The following KDM4C variants were observed in gnomAD, a reference collection of about 807,000 sequenced individuals.
KDM4C encodes the protein lysine-specific demethylase 4C.
In KDM4C, 81 loss-of-function variants were observed where a neutral mutation model predicts 129.3. The observed-to-expected ratio is 0.63, with a 90% CI of 0.52 to 0.75. KDM4C has a LOEUF of 0.75. KDM4C is among the 30% of genes least tolerant of loss of function. KDM4C has a pLI of 0.00. For missense variants in KDM4C, 1,457 were observed against 1,304.0 expected, an observed-to-expected ratio of 1.12 and a Z score of -1.81; for synonymous variants, 573 against 456.1, an observed-to-expected ratio of 1.26 and a Z score of -3.26.
intron 1 of KDM4C, among the ~76,000 whole-genome samples, chr9:6,765,095 A>C (rs182150859): frequency 6.6e-6 from 1 of 151,894 alleles, no homozygotes; most frequent in East Asian, 1.9e-4. Context: ...CCTCCCTCCA[A>C]TCTCTTTCCA....
At chr9:6,766,359 G>T (rs965860725) in intron 1 of KDM4C, among the ~76,000 whole-genome samples, 1 of 151,846 alleles carries the variant, frequency 6.6e-6, no homozygotes, top group African/African-American at 2.4e-5. Context: ...TATGATAATC[G>T]TACAAAAAGC....
At chr9:6,913,902 A>T (rs977162114) in intron 8 of KDM4C, among the ~76,000 whole-genome samples, 1 of 152,244 alleles carries the variant, frequency 6.6e-6, no homozygotes, top group South Asian at 2.1e-4. Flanking sequence ...AAGGGATAGT[A>T]TGAGAGTTGA....
At chr9:6,750,607 G>C (rs759457044) in intron 1 of KDM4C, among the ~76,000 whole-genome samples, 8 of 152,196 alleles carry the variant, frequency 5.3e-5, no homozygotes, top group African/African-American at 1.7e-4. Flanking sequence ...TTATAAAAAC[G>C]ATGATGCTAA....
At chr9:6,915,458 G>T (rs1001759081) in intron 8 of KDM4C, among the ~76,000 whole-genome samples, 1 of 152,112 alleles carries the variant, frequency 6.6e-6, no homozygotes, top group African/African-American at 2.4e-5. Flanking sequence ...GAGGTTCGGG[G>T]TTACATTCCA....
At chr9:6,779,767 C>T (rs1823915670) in intron 1 of KDM4C, among the ~76,000 whole-genome samples, 1 of 152,134 alleles carries the variant, frequency 6.6e-6, no homozygotes, top group Admixed American at 6.5e-5. Context: ...ATGCTATTAT[C>T]AAATATAAAC....
chr9:6,738,236 G>A (rs973159585), intron 1 of KDM4C, among the ~76,000 whole-genome samples: 4 of 152,080 alleles, frequency 2.6e-5, no homozygotes, highest in Non-Finnish European at 4.4e-5. Flanking sequence ...CAGCACTTTG[G>A]GAGGCCGAGG....
intron 1 of KDM4C, among the ~76,000 whole-genome samples, chr9:6,767,700 A>G (rs1483739585): frequency 6.6e-6 from 1 of 151,616 alleles, no homozygotes; most frequent in African/African-American, 2.4e-5. Flanking sequence ...ACCTCAGGTG[A>G]TGTCCGCTTC....
intron 17 of KDM4C, among the ~76,000 whole-genome samples, chr9:7,051,235 T>C (rs1288143681): frequency 6.6e-6 from 1 of 152,128 alleles, no homozygotes; most frequent in Non-Finnish European, 1.5e-5. Flanking sequence ...GCAACTTCAT[T>C]TGGGGGGAAG....
chr9:7,137,132 G>C (rs951273123), intron 19 of KDM4C, among the ~76,000 whole-genome samples: 14 of 152,194 alleles, frequency 9.2e-5, no homozygotes, highest in Admixed American at 9.2e-4. Context: ...ACTGCCATGA[G>C]AGTGAGAAGT....
In KDM4C at chr9:6,789,412, G is replaced by A. The variant is rs188950156; in HGVS notation, c.-17-3560G>A. Among the ~76,000 whole-genome samples, 949 of 152,070 alleles carry A rather than the reference G, an allele frequency of 6.2e-3. 8 individuals are homozygous for A. The highest frequency in any genetic ancestry group is 0.022 in the African/African-American group (904 of 41,478). On this transcript the variant is annotated intron_variant, in intron 1 of 21. Transcript: ENST00000381309. ...ATTTTTGTATTTTTAGTAGAGACGG[G>A]GTTTCTCCATGTTGGTCAGGCTGTC...
At position 7,163,375 on chromosome 9, in the gene KDM4C, A is replaced by G. The variant is rs190702098; in HGVS notation, c.2782-1863A>G. Among the ~76,000 whole-genome samples, 6 of 152,290 alleles carry G rather than the reference A, an allele frequency of 3.9e-5. No individual in the cohort carries two copies. The East Asian group carries it at 9.7e-4, about 25-fold the overall frequency. On this transcript the variant is annotated intron_variant, in intron 19 of 21. Coordinates refer to ENST00000381309, the MANE Select transcript of KDM4C (RefSeq NM_015061.6). ...GTTTGCTGTAGCACTGCAGAGCACC[A>G]TGGCACATAGTTTGGGAAATACAGT...
At chr9:6,824,219 G>A (rs1833509615) in intron 4 of KDM4C, among the ~76,000 whole-genome samples, 1 of 152,168 alleles carries the variant, frequency 6.6e-6, no homozygotes, top group Admixed American at 6.6e-5. Context: ...TTCTTTTCGT[G>A]GCTATTTCTT....
chr9:6,999,361 A>G (rs1319044227), intron 12 of KDM4C, among the ~76,000 whole-genome samples: 1 of 152,044 alleles, frequency 6.6e-6, no homozygotes, highest in African/African-American at 2.4e-5. Context: ...TTAAATATAA[A>G]TGTTATTTTA....
intron 8 of KDM4C, among the ~76,000 whole-genome samples, chr9:6,959,626 AAGAGTT>A (rs1375183494): frequency 6.6e-6 from 1 of 152,182 alleles, no homozygotes; most frequent in African/African-American, 2.4e-5. Flanking sequence ...GTTTCAATTT[AAGAGTT>A]TATATTATAG....
At chr9:6,923,812 G>T (rs778675666) in intron 8 of KDM4C, among the ~76,000 whole-genome samples, 1 of 152,166 alleles carries the variant, frequency 6.6e-6, no homozygotes, top group Non-Finnish European at 1.5e-5. Flanking sequence ...GCAGAATCCA[G>T]TCTTCTCTTT....
intron 1 of KDM4C, among the ~76,000 whole-genome samples, chr9:6,763,038 G>A (rs1044412848): frequency 6.6e-6 from 1 of 151,924 alleles, no homozygotes; most frequent in African/African-American, 2.4e-5. Context: ...GCTGGTGGGG[G>A]GGGATGGATG....
At chr9:6,778,264 A>G (rs1324974793) in intron 1 of KDM4C, among the ~76,000 whole-genome samples, 2 of 150,810 alleles carry the variant, frequency 1.3e-5, no homozygotes. Flanking sequence ...TAATTTTTGT[A>G]TTTTTAGTAG....
chr9:6,797,846 G>A (rs938827726), intron 2 of KDM4C, among the ~76,000 whole-genome samples: 2 of 152,220 alleles, frequency 1.3e-5, no homozygotes, highest in Non-Finnish European at 2.9e-5. Context: ...TTCCCACAGG[G>A]AATAGGGGCC....
At chr9:6,869,269 T>C (rs1842507526) in intron 5 of KDM4C, among the ~76,000 whole-genome samples, 1 of 152,206 alleles carries the variant, frequency 6.6e-6, no homozygotes, top group African/African-American at 2.4e-5. Flanking sequence ...TGAATGGCAT[T>C]AAGGGTGCGG....
Sources: allele counts gnomAD v4.1 joint callset (sites outside exome capture counted in the v4.1 genomes callset), GRCh38; gene constraint gnomAD v4.1.1; transcripts MANE v1.5; gene names NCBI Gene and HGNC (gene_info 2026-07-23, HGNC 2026-07-21).